FSHR: variants seen among roughly 807,000 people sequenced by gnomAD.
FSHR encodes the protein follicle-stimulating hormone receptor.
In FSHR, 46 loss-of-function variants were observed where a neutral mutation model predicts 52.1. That is an observed-to-expected ratio of 0.88 (90% CI 0.70 to 1.13). The LOEUF is 1.13. FSHR is among the 50% of genes most tolerant of loss of function. FSHR has a pLI of 0.00. For synonymous variants in FSHR, 399 were observed against 309.6 expected, an observed-to-expected ratio of 1.29 and a Z score of -3.03; for missense variants, 964 against 834.6, an observed-to-expected ratio of 1.16 and a Z score of -1.91.
chr2:49,043,967 A>C (rs773411914), intron 2 of FSHR, among the ~76,000 whole-genome samples: 5 of 152,122 alleles, frequency 3.3e-5, no homozygotes, highest in Non-Finnish European at 5.9e-5. Flanking sequence ...TCTAACTCCC[A>C]CGTCTTTCAA....
intron 6 of FSHR, among the ~76,000 whole-genome samples, chr2:48,987,622 C>G (rs1573051336): frequency 6.6e-6 from 1 of 152,066 alleles, no homozygotes; most frequent in African/African-American, 2.4e-5. Context: ...TTTAAAAGCC[C>G]ATTTTAAAAA....
At chr2:49,074,879 T>C (rs1669888986) in intron 1 of FSHR, among the ~76,000 whole-genome samples, 1 of 152,078 alleles carries the variant, frequency 6.6e-6, no homozygotes, top group Admixed American at 6.6e-5. Flanking sequence ...AATCCTGTCA[T>C]TTGCAGCAAC....
intron 1 of FSHR, among the ~76,000 whole-genome samples, chr2:49,147,062 T>C (rs1475288851): frequency 1.3e-5 from 2 of 152,108 alleles, no homozygotes; most frequent in Non-Finnish European, 2.9e-5. Context: ...GGCTGCTTTA[T>C]TCAAATATTA....
intron 1 of FSHR, among the ~76,000 whole-genome samples, chr2:49,129,582 G>A (rs10191244): frequency 0.41 from 62,967 of 152,030 alleles, 13,482 homozygotes; most frequent in East Asian, 0.71. Context: ...AAATAACACA[G>A]TGTTAGGATT....
chr2:49,056,207 T>C (rs537176720), intron 2 of FSHR, among the ~76,000 whole-genome samples: 1 of 152,072 alleles, frequency 6.6e-6, no homozygotes, highest in South Asian at 2.1e-4. Context: ...AAATAGATTT[T>C]TTTAAAAGAC....
intron 1 of FSHR, among the ~76,000 whole-genome samples, chr2:49,144,725 C>G (rs10176392): frequency 1.3e-5 from 2 of 152,002 alleles, no homozygotes; most frequent in Non-Finnish European, 2.9e-5. Flanking sequence ...CCTGCCCTGA[C>G]GAGAAATTAG....
At chr2:49,037,245 A>G (rs1157319096) in intron 2 of FSHR, among the ~76,000 whole-genome samples, 1 of 152,246 alleles carries the variant, frequency 6.6e-6, no homozygotes, top group Non-Finnish European at 1.5e-5. Flanking sequence ...GTGAGAATTC[A>G]CAGCATCCAC....
intron 8 of FSHR, among the ~76,000 whole-genome samples, chr2:48,976,576 C>T (rs1674999861): frequency 6.6e-6 from 1 of 152,064 alleles, no homozygotes. Context: ...CCTTTTTGTA[C>T]CTCTGGTAGA....
In FSHR at chr2:48,990,616, A is replaced by C. The variant is rs1459351315; in HGVS notation, c.396T>G (p.Ile132Met). ...TCTTGTGAACATCTGGAAGGTGCTTAATACCTGTGTTGGATATTAACCTAG... is the reference window on the plus strand; with the variant it reads ...TCTTGTGAACATCTGGAAGGTGCTTCATACCTGTGTTGGATATTAACCTAG... ...LQYLLISNTG[I>M]KHLPDVHKIH... The change falls in exon 5 of 10, where the codon ATT (isoleucine) becomes ATG (methionine). Residue 132 changes from isoleucine to methionine, a missense_variant. Physicochemically the swap from Ile to Met is conservative, Grantham distance 10. Coordinates refer to ENST00000406846, the MANE Select transcript of FSHR (RefSeq NM_000145.4). 4 of 1,611,218 alleles carry C rather than the reference A, an allele frequency of 2.5e-6. No homozygotes were observed. In the Admixed American group the frequency reaches 6.7e-5, roughly 27 times the overall value.
intron 8 of FSHR, among the ~76,000 whole-genome samples, chr2:48,972,586 C>A (rs1366658279): frequency 1.3e-5 from 2 of 152,144 alleles, no homozygotes; most frequent in African/African-American, 4.8e-5. Flanking sequence ...GTGACACTTG[C>A]CCTGTTTTCT....
intron 2 of FSHR, among the ~76,000 whole-genome samples, chr2:49,020,424 A>T (rs562440590): frequency 6.6e-6 from 1 of 152,334 alleles, no homozygotes; most frequent in Admixed American, 6.5e-5. Context: ...AGGTCCAGGA[A>T]GGAAGAGATT....
At chr2:49,100,663 C>T (rs1047494996) in intron 1 of FSHR, among the ~76,000 whole-genome samples, 6 of 152,188 alleles carry the variant, frequency 3.9e-5, no homozygotes, top group African/African-American at 1.2e-4. Flanking sequence ...GGATAGATCC[C>T]AGATCCCTGA....
chr2:49,007,569 G>A (rs1199429164), intron 4 of FSHR, among the ~76,000 whole-genome samples: 1 of 152,074 alleles, frequency 6.6e-6, no homozygotes, highest in Admixed American at 6.6e-5. Context: ...TTGTTGGAAG[G>A]ACTTTTTTGG....
chr2:49,006,431 G>T (rs949602463), intron 4 of FSHR, among the ~76,000 whole-genome samples: 1 of 151,982 alleles, frequency 6.6e-6, no homozygotes, highest in African/African-American at 2.4e-5. Context: ...TCCAAATCTA[G>T]TCATACTCTT....
chr2:48,966,982 G>C (rs1674502988), intron 9 of FSHR, among the ~76,000 whole-genome samples: 1 of 152,164 alleles, frequency 6.6e-6, no homozygotes, highest in Non-Finnish European at 1.5e-5. Flanking sequence ...GGTTGGGAGA[G>C]CCTTGAGGCT....
At chr2:49,104,787 C>A (rs1017066829) in intron 1 of FSHR, among the ~76,000 whole-genome samples, 1 of 151,800 alleles carries the variant, frequency 6.6e-6, no homozygotes, top group African/African-American at 2.4e-5. Context: ...TCAGCCCCAT[C>A]CCAGCCCAGT....
chr2:49,126,205 GA>G (rs1314536082), intron 1 of FSHR, among the ~76,000 whole-genome samples: 1 of 152,152 alleles, frequency 6.6e-6, no homozygotes, highest in Non-Finnish European at 1.5e-5. Flanking sequence ...TACAGTTTTG[GA>G]AGCTGAAAAG....
At chr2:49,026,638 G>T (rs764737142) in intron 2 of FSHR, among the ~76,000 whole-genome samples, 2 of 152,220 alleles carry the variant, frequency 1.3e-5, no homozygotes, top group Non-Finnish European at 2.9e-5. Flanking sequence ...ACATCGGCAG[G>T]TTAGGCATAC....
intron 2 of FSHR, among the ~76,000 whole-genome samples, chr2:49,058,922 T>C (rs114217361): frequency 0.016 from 2,402 of 152,310 alleles, 33 homozygotes; most frequent in Non-Finnish European, 0.02. Context: ...AAAATACCAA[T>C]GCAGTTCTAG....
Sources: allele counts gnomAD v4.1 joint callset (sites outside exome capture counted in the v4.1 genomes callset), GRCh38; gene constraint gnomAD v4.1.1; transcripts MANE v1.5; gene names NCBI Gene and HGNC (gene_info 2026-07-23, HGNC 2026-07-21).